PADI2: variants seen among roughly 807,000 people sequenced by gnomAD.
PADI2 encodes the protein peptidyl arginine deiminase 2, also known as protein-arginine deiminase type-2.
Under a neutral mutation model 81.1 loss-of-function variants are expected in PADI2, and 70 were observed. That is an observed-to-expected ratio of 0.86 (90% CI 0.71 to 1.05). The LOEUF (loss-of-function observed/expected upper bound fraction) is 1.05. PADI2 is among the 50% of genes least tolerant of loss of function. The pLI is 0.00. For synonymous variants in PADI2, 338 were observed against 358.0 expected (o/e 0.94, Z 0.63); for missense variants, 853 against 889.9 (o/e 0.96, Z 0.53).
intron 1 of PADI2, among the ~76,000 whole-genome samples, chr1:17,110,206 G>C (rs1225979439): frequency 6.6e-6 from 1 of 152,174 alleles, no homozygotes; most frequent in South Asian, 2.1e-4. Context: ...CACCTGGATT[G>C]TCCCTGGAGG....
chr1:17,092,659 C>T (rs1930744763), intron 5 of PADI2, 126 bp from the exon 6 acceptor site: 4 of 835,490 alleles, frequency 4.8e-6, no homozygotes, highest in Non-Finnish European at 1.8e-6. Context: ...TATAGAAAAG[C>T]ATAAAGAGGC....
intron 6 of PADI2, among the ~76,000 whole-genome samples, chr1:17,089,581 G>A (rs752957633): frequency 2.0e-5 from 3 of 152,156 alleles, no homozygotes; most frequent in Non-Finnish European, 4.4e-5. Context: ...TCTCCCTCCC[G>A]ATGTGGCCCG....
rs763073222 is a variant in PADI2 at position 17,086,751 on chromosome 1, G to A, written c.656-52C>T. On this transcript the variant is annotated intron_variant, in intron 6 of 15. Transcript: ENST00000375486. ...CTCCCACCCGCATCAGAAAGAGGTC[G>A]GTGGGGTGGGATCACCGATGGGGAC... The A allele has an allele frequency of 1.8e-5, 28 of 1,531,420 alleles. 1 individual carries two copies. In the East Asian group the frequency reaches 3.2e-4, roughly 17 times the overall value. The allele number at this position is 1,531,420 out of a possible 1,614,324, so 94.9% of individuals were successfully genotyped here.
intron 11 of PADI2, among the ~76,000 whole-genome samples, chr1:17,078,733 G>C (rs1047033280): frequency 6.6e-6 from 1 of 150,532 alleles, no homozygotes; most frequent in Non-Finnish European, 1.5e-5. Context: ...GTCTCACTCT[G>C]TTGCCAGGCT....
At chr1:17,069,371 C>G in intron 15 of PADI2, 94 bp from the exon 16 acceptor site, 1 of 900,378 alleles carries the variant, frequency 1.1e-6, no homozygotes, top group Non-Finnish European at 1.8e-6. Context: ...TCACGGCAAC[C>G]CTGTGAAGTA....
chr1:17,106,206 G>T (rs913607948), intron 1 of PADI2, among the ~76,000 whole-genome samples: 2 of 152,066 alleles, frequency 1.3e-5, no homozygotes, highest in Admixed American at 1.3e-4. Context: ...GTTCAAAAGT[G>T]GTTTTCCATT....
intron 5 of PADI2, among the ~76,000 whole-genome samples, chr1:17,092,948 C>CA (rs1175202023): frequency 0.064 from 3,816 of 59,766 alleles, 215 homozygotes; most frequent in African/African-American, 0.17. Context: ...GGCCTTGTCT[C>CA]AAAAAAAAAA....
rs369179315 is a variant in PADI2, at chr1:17,103,039, G to A, written c.297C>T (p.Asp99=). Residue 99 remains aspartate, a synonymous_variant, in exon 3 of 16, where the codon GAC becomes GAT. Transcript: ENST00000375486. ...GGTCGATGGGAATGCTCCCTTCCTC[G>A]TCATAGTAGTTGACGGTGACCTTGG... ...SSDKVTVNYY[D]EEGSIPIDQA... 279 of 1,613,376 alleles carry A rather than the reference G, an allele frequency of 1.7e-4. 4 individuals are homozygous for A. In the South Asian group the frequency reaches 2.4e-3, roughly 14 times the overall value.
At chr1:17,074,812 GC>G in intron 13 of PADI2, 43 bp downstream of exon 13, 1 of 1,268,262 alleles carries the variant, frequency 7.9e-7, no homozygotes, top group Non-Finnish European at 1.1e-6. Context: ...TCTCTCTGGG[GC>G]CTCCAGCTCG....
intron 1 of PADI2, among the ~76,000 whole-genome samples, chr1:17,116,451 G>T (rs150817526): frequency 0.011 from 1,602 of 152,292 alleles, 24 homozygotes; most frequent in African/African-American, 0.036. Context: ...GGCTCTGGGG[G>T]CATCACTTGG....
intron 3 of PADI2, among the ~76,000 whole-genome samples, chr1:17,098,153 G>A (rs1931012692): frequency 6.6e-6 from 1 of 152,150 alleles, no homozygotes; most frequent in South Asian, 2.1e-4. Flanking sequence ...CCGGCTGCCT[G>A]CTCTCTGCTG....
intron 4 of PADI2, among the ~76,000 whole-genome samples, chr1:17,095,147 A>C (rs1295353537): frequency 1.3e-5 from 2 of 152,266 alleles, no homozygotes; most frequent in Non-Finnish European, 2.9e-5. Flanking sequence ...ATAATACAGA[A>C]GGGCAGAAAA....
rs1029835024 is a variant in PADI2 at position 17,086,387 on chromosome 1, G to A, written c.834+134C>T. 9.0e-6 allele frequency: 6 copies of A among 665,182 alleles called. No homozygotes were observed. In the East Asian group the frequency reaches 1.4e-4, roughly 16 times the overall value. The allele number at this position is 665,182 out of a possible 1,614,324, so 41.2% of individuals were successfully genotyped here. A position where few individuals can be genotyped will look rare whatever the true frequency, so the allele number is the denominator to read the frequency against. On this transcript the variant is annotated intron_variant, in intron 7 of 15. Transcript: ENST00000375486. ...CGTGCAGGCTTTGCTGGGGGGCATCGAGGTCTCCTAGCCTGGACCCACCCC... is the reference window on the plus strand; with the variant it reads ...CGTGCAGGCTTTGCTGGGGGGCATCAAGGTCTCCTAGCCTGGACCCACCCC...
intron 7 of PADI2, 91 bp downstream of exon 7, chr1:17,086,430 G>T (rs1930430999): frequency 9.0e-7 from 1 of 1,106,144 alleles, no homozygotes; most frequent in South Asian, 1.6e-5. Flanking sequence ...CTTTGAGCAG[G>T]GTGGAGCATA....
chr1:17,110,557 C>G (rs1365672647), intron 1 of PADI2, among the ~76,000 whole-genome samples: 2 of 152,180 alleles, frequency 1.3e-5, no homozygotes, highest in Non-Finnish European at 2.9e-5. Context: ...CAGTGCCTAC[C>G]CATACAAGAA....
chr1:17,083,714 T>A lies in PADI2; in HGVS notation c.1050+12A>T. The A allele has an allele frequency of 6.4e-7, 1 of 1,567,446 alleles. No homozygotes were observed. The highest frequency in any genetic ancestry group is 8.8e-7 in the Non-Finnish European group (1 of 1,137,322). On this transcript the variant is annotated intron_variant, in intron 9 of 15. Coordinates refer to ENST00000375486, the MANE Select transcript of PADI2 (RefSeq NM_007365.3). ...GGCCATGTCCTTCCCAGCCTGGACC[T>A]GGGCTCCTTACCTGGATCCAGCGAT...
At chr1:17,095,831 G>T in intron 4 of PADI2, 78 bp downstream of exon 4, 2 of 1,131,830 alleles carry the variant, frequency 1.8e-6, no homozygotes, top group Non-Finnish European at 2.6e-6. Context: ...CTGTGAAATG[G>T]GAATTGCCTG....
At chr1:17,097,034 T>C (rs1441615993) in intron 3 of PADI2, among the ~76,000 whole-genome samples, 1 of 152,166 alleles carries the variant, frequency 6.6e-6, no homozygotes. Flanking sequence ...GGAGGCGAAA[T>C]TGCCTTGAGT....
intron 5 of PADI2, 96 bp from the exon 6 acceptor site, chr1:17,092,629 T>C: frequency 8.7e-7 from 1 of 1,146,788 alleles, no homozygotes; most frequent in Non-Finnish European, 1.2e-6. Flanking sequence ...AAAATCCCCA[T>C]GGATGTGTAT....
Sources: allele counts gnomAD v4.1 joint callset (sites outside exome capture counted in the v4.1 genomes callset), GRCh38; gene constraint gnomAD v4.1.1; transcripts MANE v1.5; gene names NCBI Gene and HGNC (gene_info 2026-07-23, HGNC 2026-07-21).